HEATR4: variants seen among roughly 807,000 people sequenced by gnomAD.
HEATR4 encodes HEAT repeat containing 4.
In HEATR4, 95 loss-of-function variants were observed where a neutral mutation model predicts 108.8. The observed-to-expected ratio is 0.87, with a 90% CI of 0.74 to 1.04. The LOEUF (loss-of-function observed/expected upper bound fraction) is 1.04. Ranked by LOEUF, HEATR4 falls within the 50% of genes least tolerant of loss-of-function variation. The probability of loss-of-function intolerance (pLI) is 0.00; values close to 1 mark genes in which losing one functional copy is unlikely to be tolerated. For synonymous variants in HEATR4, 443 were observed against 459.4 expected (o/e 0.96, Z 0.46); for missense variants, 1,152 against 1,253.8 (o/e 0.92, Z 1.23).
chr14:73,497,522 T>C (rs1398191014), intron 14 of HEATR4, among the ~76,000 whole-genome samples: 1 of 152,240 alleles, frequency 6.6e-6, no homozygotes, highest in African/African-American at 2.4e-5. Context: ...ACATAGCTAT[T>C]GCATGCCAGA....
intron 2 of HEATR4, among the ~76,000 whole-genome samples, chr14:73,524,747 T>G (rs1888223495): frequency 6.6e-6 from 1 of 151,452 alleles, no homozygotes; most frequent in African/African-American, 2.4e-5. Context: ...CCACTCACTT[T>G]GTTGGCCTTG....
the HEATR4 span, among the ~76,000 whole-genome samples, chr14:73,605,687 C>T: frequency 6.7e-6 from 1 of 148,362 alleles, no homozygotes; most frequent in African/African-American, 2.5e-5. Context: ...TCTCCTACCT[C>T]AGCCTCCCAA....
the HEATR4 span, among the ~76,000 whole-genome samples, chr14:73,596,889 G>A: frequency 4.6e-5 from 7 of 151,144 alleles, no homozygotes; most frequent in African/African-American, 1.2e-4. Flanking sequence ...ATGAGCCACC[G>A]CGCCCAGCTT....
At chr14:73,528,750 G>A (rs1203412629) in intron 2 of HEATR4, among the ~76,000 whole-genome samples, 3 of 152,184 alleles carry the variant, frequency 2.0e-5, no homozygotes, top group African/African-American at 7.2e-5. Context: ...TAAAATATAT[G>A]TGTGAGGAAT....
the HEATR4 span, among the ~76,000 whole-genome samples, chr14:73,630,708 G>A: frequency 2.0e-4 from 31 of 152,316 alleles, no homozygotes; most frequent in Middle Eastern, 6.8e-3. Flanking sequence ...GAAAGGCAGA[G>A]GGAAAATTAC....
the HEATR4 span, among the ~76,000 whole-genome samples, chr14:73,629,266 C>T: frequency 6.6e-6 from 1 of 152,244 alleles, no homozygotes; most frequent in East Asian, 1.9e-4. Flanking sequence ...AATGCTATGG[C>T]AACTTAATAG....
intron 17 of HEATR4, 92 bp from the exon 18 acceptor site, chr14:73,478,934 G>A: frequency 4.4e-6 from 4 of 912,430 alleles, no homozygotes; most frequent in Non-Finnish European, 5.0e-6. Context: ...GCTATAGGGT[G>A]TCTCCTTTTT....
intron 1 of HEATR4, among the ~76,000 whole-genome samples, chr14:73,558,325 C>T (rs1889435429): frequency 7.1e-6 from 1 of 140,532 alleles, no homozygotes; most frequent in Admixed American, 7.3e-5. Context: ...AGAGATTACT[C>T]TGGAAACTCT....
intron 7 of HEATR4, among the ~76,000 whole-genome samples, chr14:73,509,866 A>ATATATATATATTTATATATTTATATATT (rs1566832362): frequency 1.5e-5 from 1 of 67,524 alleles, no homozygotes; most frequent in African/African-American, 6.3e-5. Context: ...ATATATATAT[A>ATATATATATATTTATATATTTATATATT]TATTTATTTA....
chr14:73,577,007 T>C, the HEATR4 span, among the ~76,000 whole-genome samples: 1 of 149,174 alleles, frequency 6.7e-6, no homozygotes, highest in African/African-American at 2.5e-5. Context: ...CACGGCTCAC[T>C]GCAGCCTCAA....
At chr14:73,519,294 A>G (rs1333130532) in intron 4 of HEATR4, 131 bp from the exon 5 acceptor site, 1 of 791,004 alleles carries the variant, frequency 1.3e-6, no homozygotes, top group Admixed American at 2.6e-5. Context: ...CATGACTGCC[A>G]TACTCTGGGG....
chr14:73,618,005 T>C, the HEATR4 span, among the ~76,000 whole-genome samples: 2 of 152,036 alleles, frequency 1.3e-5, no homozygotes, highest in East Asian at 3.9e-4. Context: ...TAGCTGGGCA[T>C]GGTGGTGCAC....
At chr14:73,578,978 G>A in the HEATR4 span, among the ~76,000 whole-genome samples, 1 of 151,494 alleles carries the variant, frequency 6.6e-6, no homozygotes, top group Admixed American at 6.6e-5. Flanking sequence ...CCAGCTACTC[G>A]GGAGGCTGAG....
intron 10 of HEATR4, among the ~76,000 whole-genome samples, chr14:73,504,464 G>C (rs755931317): frequency 3.9e-5 from 6 of 151,982 alleles, no homozygotes; most frequent in East Asian, 3.9e-4. Flanking sequence ...GGATGGTCTC[G>C]ATCTCCTGAC....
chr14:73,482,650 C>T (rs1885302602), intron 17 of HEATR4, among the ~76,000 whole-genome samples: 1 of 152,156 alleles, frequency 6.6e-6, no homozygotes, highest in Admixed American at 6.5e-5. Context: ...AACTTTACAG[C>T]AAGAAGAGTG....
rs1199339699 is a variant in HEATR4 at position 73,532,872 on chromosome 14, G to A, written c.-151-2628C>T. The stretch of plus-strand genomic sequence containing the variant: ...TTGGAGGCTGAGGCAGGAGAATGGC[G>A]TGAACCCAGGTGGTGGAGCTTTCAG... On this transcript the variant is annotated intron_variant, in intron 1 of 17. Coordinates refer to ENST00000553558, the MANE Select transcript of HEATR4 (RefSeq NM_001220484.1). Among the ~76,000 whole-genome samples, 22 of 113,296 alleles carry A rather than the reference G, an allele frequency of 1.9e-4. 9 individuals are homozygous for A. The highest frequency in any genetic ancestry group is 3.8e-4 in the Non-Finnish European group (20 of 52,108). The allele number at this position is 113,296 out of a possible 152,430, so 74.3% of individuals were successfully genotyped here. A position where few individuals can be genotyped will look rare whatever the true frequency, so the allele number is the denominator to read the frequency against.
chr14:73,576,014 G>T, the HEATR4 span, among the ~76,000 whole-genome samples: 1 of 151,912 alleles, frequency 6.6e-6, no homozygotes, highest in African/African-American at 2.4e-5. Flanking sequence ...TTAGCCAGGC[G>T]TGGTGGCAGG....
In HEATR4 at chr14:73,508,237, G is replaced by A. The variant is rs548486809; in HGVS notation, c.1778C>T (p.Thr593Ile). ...GAGGATCCTCTTAATCACAGGGTAA[G>A]TAGCAGTACCTTCCAGAGCCAAGCA... The part of the protein sequence containing the change: ...AQCLALEGTA[T>I]YPVIKRILHQ... Residue 593 changes from threonine (T) to isoleucine (I), a missense_variant, in exon 9 of 18, where the codon ACT (threonine) becomes ATT (isoleucine). Coordinates refer to ENST00000553558, the MANE Select transcript of HEATR4 (RefSeq NM_001220484.1). 30 of 1,613,972 alleles carry A rather than the reference G, an allele frequency of 1.9e-5. No homozygotes were observed. In the South Asian group the frequency reaches 3.3e-4, roughly 18 times the overall value.
At chr14:73,508,010 T>G (rs1461648990) in intron 9 of HEATR4, 124 bp downstream of exon 9, 15 of 875,382 alleles carry the variant, frequency 1.7e-5, no homozygotes, top group African/African-American at 3.3e-5. Context: ...CCTCCCGAAG[T>G]GTTGGGATTA....
Sources: allele counts gnomAD v4.1 joint callset (sites outside exome capture counted in the v4.1 genomes callset), GRCh38; gene constraint gnomAD v4.1.1; transcripts MANE v1.5; gene names NCBI Gene and HGNC (gene_info 2026-07-23, HGNC 2026-07-21).